The following SLC24A2 variants were observed in gnomAD, a reference collection of about 807,000 sequenced individuals.
The protein encoded by SLC24A2 is sodium/potassium/calcium exchanger 2.
In SLC24A2, 36 loss-of-function variants were observed where a neutral mutation model predicts 62.0. The observed-to-expected ratio is 0.58, with a 90% CI of 0.44 to 0.77. SLC24A2 has a LOEUF of 0.77. Among genes scored for constraint, SLC24A2 ranks in the 30% least tolerant of loss-of-function variants. The pLI, the probability that SLC24A2 is intolerant of heterozygous loss-of-function variation, is 0.00. For missense variants in SLC24A2, 846 were observed against 817.9 expected, an observed-to-expected ratio of 1.03 and a Z score of -0.42; for synonymous variants, 358 against 294.0, an observed-to-expected ratio of 1.22 and a Z score of -2.23.
chr9:19,820,028 C>CATATATATATACAT, the SLC24A2 span, among the ~76,000 whole-genome samples: 32 of 54,568 alleles, frequency 5.9e-4, 1 homozygote, highest in African/African-American at 1.1e-3. Context: ...TATATATACA[C>CATATATATATACAT]ATATATATAT....
chr9:20,285,538 G>C, the SLC24A2 span, among the ~76,000 whole-genome samples: 14 of 152,250 alleles, frequency 9.2e-5, no homozygotes, highest in Admixed American at 2.0e-4. Flanking sequence ...GGGAGGGACA[G>C]GCTTTTTGTT....
rs560251448 is a variant in SLC24A2 at position 19,760,246 on chromosome 9, C to T, written c.930+25691G>A. On this transcript the variant is annotated intron_variant, in intron 2 of 10. Transcript: ENST00000341998. ...GGCCTTTCCATTTGTGTGCAGGATC[C>T]CCCGCCCATTCCCCATCCATTCAAG... Among the ~76,000 whole-genome samples the T allele has an allele frequency of 7.9e-4, 120 of 152,100 alleles. 1 individual carries two copies. The highest frequency in any genetic ancestry group is 1.2e-3 in the Non-Finnish European group (79 of 67,984).
chr9:20,011,061 A>T, the SLC24A2 span, among the ~76,000 whole-genome samples: 78 of 152,274 alleles, frequency 5.1e-4, no homozygotes, highest in African/African-American at 1.7e-3. Context: ...ATAGTGCCAC[A>T]ATAAACATAC....
At position 19,509,999 on chromosome 9, in the gene SLC24A2, G is replaced by T. The variant is rs1832656715; in HGVS notation, c.*6154C>A. 6.6e-6 allele frequency: 1 copy of T among 152,046 alleles called. No homozygotes were observed. The highest frequency in any genetic ancestry group is 1.5e-5 in the Non-Finnish European group (1 of 68,000). The allele number at this position is 152,046 out of a possible 1,614,324, so 9.4% of individuals were successfully genotyped here. On this transcript the variant is annotated 3_prime_UTR_variant, in exon 11 of 11. Coordinates refer to ENST00000341998, the MANE Select transcript of SLC24A2 (RefSeq NM_020344.4). ...AGTGGAGATCCAATCATTTATCCCAGTTTCATATTTAAAATAAAAATATTG... is the reference window on the plus strand; with the variant it reads ...AGTGGAGATCCAATCATTTATCCCATTTTCATATTTAAAATAAAAATATTG...
intron 7 of SLC24A2, 133 bp from the exon 8 acceptor site, chr9:19,550,401 T>G: frequency 1.2e-6 from 1 of 819,638 alleles, no homozygotes; most frequent in Non-Finnish European, 2.0e-6. Flanking sequence ...TAGCTTCATA[T>G]GTGTGATTTT....
rs138762472 is a variant in SLC24A2, at chr9:19,627,144, G to A, written c.931-4845C>T. 6.9e-4 allele frequency among the ~76,000 whole-genome samples: 105 copies of A among 152,328 alleles called. 1 individual carries two copies. Among genetic ancestry groups the A allele is most frequent in the African/African-American group, 2.4e-3 (101 of 41,578 alleles). On this transcript the variant is annotated intron_variant, in intron 2 of 10. Transcript: ENST00000341998. ...TCTCAGAGAACAATGAAGTGCTGAA[G>A]ATGACAGCCCAGGGTGCAGGAGTAC... is the stretch of plus-strand genomic sequence containing the variant.
At chr9:19,697,119 A>T (rs1820216533) in intron 2 of SLC24A2, among the ~76,000 whole-genome samples, 1 of 152,244 alleles carries the variant, frequency 6.6e-6, no homozygotes, top group South Asian at 2.1e-4. Flanking sequence ...TTAAAAAAAT[A>T]ACATGTTAGT....
At chr9:20,159,009 G>A in the SLC24A2 span, among the ~76,000 whole-genome samples, 532 of 151,614 alleles carry the variant, frequency 3.5e-3, 4 homozygotes, top group African/African-American at 0.012. Context: ...ATCTGTGAGG[G>A]CAAAAATATT....
At chr9:19,651,566 C>T (rs1818802197) in intron 2 of SLC24A2, among the ~76,000 whole-genome samples, 1 of 120,818 alleles carries the variant, frequency 8.3e-6, no homozygotes, top group South Asian at 3.3e-4. Flanking sequence ...CCACCATCAT[C>T]AATTTCTTTC....
the SLC24A2 span, among the ~76,000 whole-genome samples, chr9:19,931,249 C>G: frequency 5.3e-4 from 81 of 152,288 alleles, no homozygotes; most frequent in African/African-American, 1.6e-3. Context: ...GGCATTCAAA[C>G]TGGACTGATA....
chr9:19,946,609 C>G, the SLC24A2 span, among the ~76,000 whole-genome samples: 1 of 152,200 alleles, frequency 6.6e-6, no homozygotes, highest in Non-Finnish European at 1.5e-5. Flanking sequence ...CAGGTCATCT[C>G]CTGAGTTAAT....
chr9:20,094,896 T>C, the SLC24A2 span, among the ~76,000 whole-genome samples: 1 of 152,288 alleles, frequency 6.6e-6, no homozygotes, highest in Middle Eastern at 3.4e-3. Flanking sequence ...ATTTCAGTTT[T>C]CATATTATAA....
chr9:19,635,469 C>T (rs1695736269), intron 2 of SLC24A2, among the ~76,000 whole-genome samples: 1 of 152,122 alleles, frequency 6.6e-6, no homozygotes, highest in South Asian at 2.1e-4. Flanking sequence ...ATAATATTAT[C>T]ACCAGAAGTT....
chr9:20,053,790 A>G, the SLC24A2 span, among the ~76,000 whole-genome samples: 5 of 152,212 alleles, frequency 3.3e-5, no homozygotes, highest in African/African-American at 1.2e-4. Context: ...GCCTCTAGAA[A>G]TATGAGAAAT....
the SLC24A2 span, among the ~76,000 whole-genome samples, chr9:19,986,144 A>G: frequency 6.6e-6 from 1 of 152,176 alleles, no homozygotes; most frequent in Non-Finnish European, 1.5e-5. Context: ...ATTTCTTCCC[A>G]AAAGATATAC....
chr9:20,263,797 T>G, the SLC24A2 span, among the ~76,000 whole-genome samples: 2 of 148,142 alleles, frequency 1.4e-5, no homozygotes, highest in Non-Finnish European at 3.0e-5. Context: ...TCCTGAACAC[T>G]TCCATTGTTG....
chr9:19,935,527 A>G, the SLC24A2 span, among the ~76,000 whole-genome samples: 1 of 152,220 alleles, frequency 6.6e-6, no homozygotes, highest in East Asian at 1.9e-4. Context: ...TCCTCATTCA[A>G]TCACCACCCT....
the SLC24A2 span, among the ~76,000 whole-genome samples, chr9:19,997,733 C>T: frequency 6.6e-6 from 1 of 152,220 alleles, no homozygotes; most frequent in African/African-American, 2.4e-5. Flanking sequence ...CACACAGATT[C>T]AGCTCTGTTG....
chr9:19,994,516 C>T, the SLC24A2 span, among the ~76,000 whole-genome samples: 4 of 152,140 alleles, frequency 2.6e-5, no homozygotes, highest in Non-Finnish European at 4.4e-5. Flanking sequence ...CACGTTCGCT[C>T]ATTCACAGTA....
Sources: allele counts gnomAD v4.1 joint callset (sites outside exome capture counted in the v4.1 genomes callset), GRCh38; gene constraint gnomAD v4.1.1; transcripts MANE v1.5; gene names NCBI Gene and HGNC (gene_info 2026-07-23, HGNC 2026-07-21).